DCAF6: variants seen among roughly 807,000 people sequenced by gnomAD.
DCAF6 encodes the protein DDB1 and CUL4 associated factor 6, also known as DDB1- and CUL4-associated factor 6.
DCAF6 carries 54 observed loss-of-function variants against 125.1 expected under a neutral mutation model. The ratio of observed to expected loss-of-function variants is 0.43; its 90% CI spans 0.35 to 0.54. The LOEUF (loss-of-function observed/expected upper bound fraction) is 0.54. Among genes scored for constraint, DCAF6 ranks in the 20% least tolerant of loss-of-function variants. The pLI, the probability that DCAF6 is intolerant of heterozygous loss-of-function variation, is 0.01. For missense variants in DCAF6, 934 were observed against 1,161.7 expected, an observed-to-expected ratio of 0.80 and a Z score of 2.85; for synonymous variants, 371 against 390.4, an observed-to-expected ratio of 0.95 and a Z score of 0.58.
chr1:167,880,240 G>T, the DCAF6 span: 1 of 1,506,712 alleles, frequency 6.6e-7, no homozygotes, highest in Non-Finnish European at 9.2e-7. Flanking sequence ...AAGATAATGA[G>T]CGTAGAGAAA....
At chr1:168,066,628 T>TA (rs1692369280) in intron 20 of DCAF6, among the ~76,000 whole-genome samples, 163 bp downstream of exon 20, 1 of 152,170 alleles carries the variant, frequency 6.6e-6, no homozygotes, top group Non-Finnish European at 1.5e-5. Context: ...AGGATGTCTA[T>TA]AATACTAGGG....
At chr1:167,920,490 GA>G in the DCAF6 span, 1 of 1,564,838 alleles carries the variant, frequency 6.4e-7, no homozygotes, top group East Asian at 2.4e-5. Context: ...TGATATAAAA[GA>G]AAACAAAAAT....
chr1:168,011,457 G>A (rs896186485), intron 10 of DCAF6, among the ~76,000 whole-genome samples: 11 of 152,122 alleles, frequency 7.2e-5, no homozygotes, highest in Non-Finnish European at 1.5e-4. Context: ...TCTGTGTGTG[G>A]ATTCTTGCTT....
intron 17 of DCAF6, among the ~76,000 whole-genome samples, chr1:168,051,253 C>T (rs1185998833): frequency 6.6e-6 from 1 of 152,118 alleles, no homozygotes. Context: ...TTGAAGAATG[C>T]AATTTATGTT....
chr1:168,006,526 G>C (rs1042897137), intron 10 of DCAF6, among the ~76,000 whole-genome samples: 1 of 152,138 alleles, frequency 6.6e-6, no homozygotes, highest in Admixed American at 6.5e-5. Context: ...TCTGATAACA[G>C]CTTTTTCATT....
At chr1:167,870,393 T>C in the DCAF6 span, 5 of 1,610,638 alleles carry the variant, frequency 3.1e-6, no homozygotes, top group Non-Finnish European at 4.2e-6. Context: ...ATGAAGTAGT[T>C]GATCTCTTTA....
intron 12 of DCAF6, among the ~76,000 whole-genome samples, chr1:168,031,003 T>TG (rs1558001967): frequency 2.0e-5 from 3 of 152,128 alleles, no homozygotes; most frequent in Admixed American, 6.5e-5. Flanking sequence ...AACTCGGTTT[T>TG]GAATATATTG....
intron 12 of DCAF6, among the ~76,000 whole-genome samples, chr1:168,035,331 C>T (rs1021215635): frequency 1.3e-5 from 2 of 152,134 alleles, no homozygotes; most frequent in Non-Finnish European, 2.9e-5. Context: ...CCTATAGTCC[C>T]AGCTACTCAG....
chr1:167,880,169 T>C, the DCAF6 span: 3 of 1,613,474 alleles, frequency 1.9e-6, no homozygotes, highest in East Asian at 4.5e-5. Flanking sequence ...ACAATCCCAC[T>C]GGCAACACCG....
At chr1:168,051,510 A>G (rs1689935973) in intron 17 of DCAF6, among the ~76,000 whole-genome samples, 2 of 152,164 alleles carry the variant, frequency 1.3e-5, no homozygotes, top group Admixed American at 1.3e-4. Context: ...AACCTCAATG[A>G]CATCAGTCAC....
chr1:167,916,056 T>G, the DCAF6 span, among the ~76,000 whole-genome samples: 5 of 152,230 alleles, frequency 3.3e-5, no homozygotes, highest in African/African-American at 4.8e-5. Context: ...CTAATCGATT[T>G]GCACCACTGT....
At chr1:168,030,217 A>T (rs1206307020) in intron 12 of DCAF6, among the ~76,000 whole-genome samples, 1 of 152,140 alleles carries the variant, frequency 6.6e-6, no homozygotes, top group Admixed American at 6.6e-5. Flanking sequence ...CATTCCCTCC[A>T]GTTGAGGGCC....
intron 1 of DCAF6, among the ~76,000 whole-genome samples, chr1:167,942,033 G>C (rs1032210826): frequency 6.6e-6 from 1 of 152,168 alleles, no homozygotes; most frequent in Non-Finnish European, 1.5e-5. Flanking sequence ...CATGGTAGGC[G>C]TGTAGAAATA....
intron 7 of DCAF6, among the ~76,000 whole-genome samples, chr1:167,999,080 A>C (rs1682205728): frequency 6.6e-6 from 1 of 152,158 alleles, no homozygotes; most frequent in African/African-American, 2.4e-5. Context: ...TGAAGGTTGA[A>C]ATTACTCTTT....
chr1:167,864,216 ATG>A, the DCAF6 span, among the ~76,000 whole-genome samples: 8 of 152,190 alleles, frequency 5.3e-5, no homozygotes, highest in African/African-American at 1.9e-4. Flanking sequence ...TGTGGTGTGC[ATG>A]TGGTGTGAGA....
At position 168,015,904 on chromosome 1, in the gene DCAF6, C is replaced by G; in HGVS notation, c.1502C>G (p.Ser501Cys). 2 of 1,541,144 alleles carry G rather than the reference C, an allele frequency of 1.3e-6. No individual in the cohort carries two copies. Among genetic ancestry groups the G allele is most frequent in the Non-Finnish European group, 1.8e-6 (2 of 1,142,242 alleles). Residue 501 changes from serine to cysteine, a missense_variant, in exon 11 of 22, where the codon TCT (serine) becomes TGT (cysteine). Ser to Cys is a moderately radical substitution (Grantham distance 112). This residue lies in a region of DCAF6 where 559 missense variants were observed against 635.5 expected (regional missense o/e 0.88). Transcript: ENST00000367840. ...CATACCCAGCAACAGCCTTCCACTTCTGATCAGTCTTCTCATGAGGGCTCT... is the reference window on the plus strand; with the variant it reads ...CATACCCAGCAACAGCCTTCCACTTGTGATCAGTCTTCTCATGAGGGCTCT... The part of the protein sequence containing the change: ...AAHTQQQPST[S>C]DQSSHEGSSQ...
the DCAF6 span, chr1:167,903,993 T>C: frequency 6.2e-7 from 1 of 1,604,678 alleles, no homozygotes. Flanking sequence ...CAGTAAAACC[T>C]GGAATAAATG....
chr1:167,891,655 CAAA>C, the DCAF6 span, among the ~76,000 whole-genome samples: 2 of 107,688 alleles, frequency 1.9e-5, no homozygotes, highest in Admixed American at 1.9e-4. Context: ...GACTCTGTCT[CAAA>C]AAAAAAAAAA....
intron 12 of DCAF6, among the ~76,000 whole-genome samples, chr1:168,037,708 G>T (rs1313977532): frequency 6.6e-6 from 1 of 152,116 alleles, no homozygotes; most frequent in African/African-American, 2.4e-5. Context: ...CTCTTAAAAT[G>T]AAATTGCTGT....
Sources: gnomAD v4.1 joint callset for allele counts (sites outside exome capture counted in the v4.1 genomes callset) on GRCh38, gnomAD v4.1.1 for gene constraint, gnomAD v4.1.1 regional missense constraint, MANE v1.5 for transcripts, NCBI Gene and HGNC (gene_info 2026-07-23, HGNC 2026-07-21) for gene names.